Variants in PLXDC2 observed in about 807,000 individuals in gnomAD.
PLXDC2 encodes the protein plexin domain containing 2, also known as plexin domain-containing protein 2.
Under a neutral mutation model 68.9 loss-of-function variants are expected in PLXDC2, and 40 were observed. That is an observed-to-expected ratio of 0.58 (90% CI 0.45 to 0.76). PLXDC2 has a LOEUF of 0.76. Among genes scored for constraint, PLXDC2 ranks in the 30% least tolerant of loss-of-function variants. PLXDC2 has a pLI of 0.00. For missense variants in PLXDC2, 644 were observed against 661.9 expected (o/e 0.97, Z 0.30); for synonymous variants, 243 against 234.2 (o/e 1.04, Z -0.34).
In PLXDC2 at chr10:20,162,127, GGAAA is replaced by G. The variant is rs1175432124; in HGVS notation, c.784-2333_784-2330del. Among the ~76,000 whole-genome samples, 592 of 136,532 alleles carry G rather than the reference GGAAA, an allele frequency of 4.3e-3. 7 individuals carry two copies. Among genetic ancestry groups the G allele is most frequent in the African/African-American group, 0.015 (551 of 35,970 alleles). The allele number at this position is 136,532 out of a possible 152,430, so 89.6% of individuals were successfully genotyped here. A position where few individuals can be genotyped will look rare whatever the true frequency, so the allele number is the denominator to read the frequency against. Reference sequence around the variant, plus strand: ...AGGAAGGAAGGAAGGAAGGAAGGAAGGAAAGAAAGAAGGAAAGAAAAAGGAAGGA... The same window carrying G: ...AGGAAGGAAGGAAGGAAGGAAGGAAGGAAAGAAGGAAAGAAAAAGGAAGGA... On this transcript the variant is annotated intron_variant, in intron 6 of 13. Coordinates refer to ENST00000377252, the MANE Select transcript of PLXDC2 (RefSeq NM_032812.9).
chr10:20,171,929 C>G (rs543980703), intron 7 of PLXDC2, among the ~76,000 whole-genome samples: 1 of 151,956 alleles, frequency 6.6e-6, no homozygotes, highest in Non-Finnish European at 1.5e-5. Flanking sequence ...GGAAGAAAGA[C>G]ACTGGAGACT....
At chr10:20,042,877 C>T (rs563645417) in intron 2 of PLXDC2, among the ~76,000 whole-genome samples, 4 of 152,246 alleles carry the variant, frequency 2.6e-5, no homozygotes, top group Admixed American at 6.5e-5. Flanking sequence ...TGGATTTATA[C>T]GATTTAATAC....
chr10:20,203,450 A>T (rs1443795958), intron 9 of PLXDC2, among the ~76,000 whole-genome samples: 1 of 151,812 alleles, frequency 6.6e-6, no homozygotes, highest in East Asian at 2.0e-4. Context: ...GACTACAGGC[A>T]TGCACCACCA....
At chr10:19,958,559 C>T (rs1476287116) in intron 1 of PLXDC2, among the ~76,000 whole-genome samples, 2 of 152,094 alleles carry the variant, frequency 1.3e-5, no homozygotes, top group African/African-American at 4.8e-5. Context: ...TCCTCTTGTT[C>T]TACATTTAAT....
At position 19,887,256 on chromosome 10, in the gene PLXDC2, C is replaced by G. The variant is rs1334206759; in HGVS notation, c.112+70065C>G. ...GGAAAATAGGCCAGGCACAGTGGCTCATGCCTGTAATCTCAGCACTTTGGG... is the reference window on the plus strand; with the variant it reads ...GGAAAATAGGCCAGGCACAGTGGCTGATGCCTGTAATCTCAGCACTTTGGG... On this transcript the variant is annotated intron_variant, in intron 1 of 13. Transcript: ENST00000377252. Among the ~76,000 whole-genome samples the G allele has an allele frequency of 3.9e-5, 6 of 152,338 alleles. No homozygotes were observed. The South Asian group carries it at 6.2e-4, about 16-fold the overall frequency.
intron 2 of PLXDC2, among the ~76,000 whole-genome samples, chr10:20,036,052 C>A (rs1835572080): frequency 6.6e-6 from 1 of 152,234 alleles, no homozygotes; most frequent in Admixed American, 6.5e-5. Flanking sequence ...TAGAAAATGA[C>A]ATGAGTTTTT....
intron 1 of PLXDC2, among the ~76,000 whole-genome samples, chr10:19,963,375 T>G (rs1286154575): frequency 6.6e-6 from 1 of 152,188 alleles, no homozygotes; most frequent in Non-Finnish European, 1.5e-5. Context: ...GAACCAAGCT[T>G]CTGTTTGTTT....
At chr10:20,056,871 C>G (rs1380522764) in intron 3 of PLXDC2, among the ~76,000 whole-genome samples, 3 of 152,112 alleles carry the variant, frequency 2.0e-5, no homozygotes, top group African/African-American at 7.2e-5. Context: ...AGATAAACAT[C>G]TATTCACCTT....
chr10:19,866,016 C>T (rs969553941), intron 1 of PLXDC2, among the ~76,000 whole-genome samples: 1 of 151,826 alleles, frequency 6.6e-6, no homozygotes, highest in African/African-American at 2.4e-5. Flanking sequence ...TACTTCATTG[C>T]CAATGAAAAA....
chr10:20,258,178 T>A (rs1835766871), intron 13 of PLXDC2, among the ~76,000 whole-genome samples: 1 of 151,930 alleles, frequency 6.6e-6, no homozygotes, highest in Admixed American at 6.6e-5. Context: ...ATTCTTTATA[T>A]TTTTAGTAGT....
At chr10:20,006,214 C>T (rs919188073) in intron 2 of PLXDC2, among the ~76,000 whole-genome samples, 3 of 151,930 alleles carry the variant, frequency 2.0e-5, no homozygotes, top group Admixed American at 6.6e-5. Context: ...TTTGTGAACA[C>T]GGTTGCATCT....
chr10:20,140,476 CA>C (rs1462283261), intron 4 of PLXDC2, among the ~76,000 whole-genome samples: 1 of 148,144 alleles, frequency 6.8e-6, no homozygotes, highest in African/African-American at 2.5e-5. Flanking sequence ...CCAGAACAGC[CA>C]AAGAAAAGAA....
At chr10:20,256,902 C>G (rs1431203740) in intron 13 of PLXDC2, among the ~76,000 whole-genome samples, 1 of 152,072 alleles carries the variant, frequency 6.6e-6, no homozygotes, top group Non-Finnish European at 1.5e-5. Context: ...TCATGAAAAG[C>G]AGGATAGCAC....
intron 1 of PLXDC2, among the ~76,000 whole-genome samples, chr10:19,893,086 T>A (rs1238391201): frequency 6.6e-6 from 1 of 152,124 alleles, no homozygotes; most frequent in Non-Finnish European, 1.5e-5. Context: ...TAATCCTGTT[T>A]CAAGGGGGTT....
intron 2 of PLXDC2, among the ~76,000 whole-genome samples, chr10:20,045,696 A>G (rs942710153): frequency 2.0e-4 from 30 of 152,126 alleles, no homozygotes; most frequent in Non-Finnish European, 4.4e-4. Context: ...TAATTTTATT[A>G]CATTTAATTA....
chr10:19,838,503 A>G (rs1836840903), intron 1 of PLXDC2, among the ~76,000 whole-genome samples: 1 of 152,234 alleles, frequency 6.6e-6, no homozygotes, highest in Admixed American at 6.5e-5. Context: ...TCACTTTGCT[A>G]TAGTCTCCTT....
chr10:19,852,749 A>G (rs2131327690), intron 1 of PLXDC2, among the ~76,000 whole-genome samples: 1 of 152,294 alleles, frequency 6.6e-6, no homozygotes, highest in East Asian at 1.9e-4. Context: ...TGTTTTTATG[A>G]TGGAGTTTAT....
At chr10:19,828,832 TG>T (rs909278260) in intron 1 of PLXDC2, among the ~76,000 whole-genome samples, 9 of 152,180 alleles carry the variant, frequency 5.9e-5, no homozygotes, top group African/African-American at 2.2e-4. Flanking sequence ...CCAGTTCTAT[TG>T]TTCTGTCTTC....
chr10:20,130,414 G>T (rs4412661), intron 4 of PLXDC2, among the ~76,000 whole-genome samples: 41,319 of 151,840 alleles, frequency 0.27, 8,089 homozygotes, highest in African/African-American at 0.55. Flanking sequence ...GGAGTTTTAA[G>T]GGTTTTGTAT....
Sources: allele counts gnomAD v4.1 joint callset (sites outside exome capture counted in the v4.1 genomes callset), GRCh38; gene constraint gnomAD v4.1.1; transcripts MANE v1.5; gene names NCBI Gene and HGNC (gene_info 2026-07-23, HGNC 2026-07-21).